Variants in IFT88 observed in about 807,000 individuals in gnomAD.
IFT88 encodes intraflagellar transport 88, also known as intraflagellar transport protein 88 homolog.
Under a neutral mutation model 119.5 loss-of-function variants are expected in IFT88, and 74 were observed. The observed-to-expected ratio is 0.62, with a 90% confidence interval of 0.51 to 0.75. The LOEUF is 0.75. IFT88 is among the 30% of genes least tolerant of loss of function. The probability of loss-of-function intolerance (pLI) is 0.00; values close to 1 mark genes in which losing one functional copy is unlikely to be tolerated. For missense variants in IFT88, 961 were observed against 977.7 expected, an observed-to-expected ratio of 0.98 and a Z score of 0.23; for synonymous variants, 279 against 316.7, an observed-to-expected ratio of 0.88 and a Z score of 1.26.
At chr13:20,686,703 A>G (rs905757627) in intron 24 of IFT88, among the ~76,000 whole-genome samples, 4 of 152,158 alleles carry the variant, frequency 2.6e-5, no homozygotes, top group African/African-American at 9.7e-5. Flanking sequence ...ATTGCTTTTC[A>G]TCTTCCCTGT....
chr13:20,645,600 G>A (rs1165419894), intron 20 of IFT88, among the ~76,000 whole-genome samples: 1 of 152,026 alleles, frequency 6.6e-6, no homozygotes, highest in Non-Finnish European at 1.5e-5. Flanking sequence ...CTCTAAAAGA[G>A]TCTTAATACA....
chr13:20,635,566 TGGCTC>T (rs1175238329), intron 16 of IFT88, among the ~76,000 whole-genome samples: 1 of 152,234 alleles, frequency 6.6e-6, no homozygotes, highest in Non-Finnish European at 1.5e-5. Flanking sequence ...CTGTGGCTCT[TGGCTC>T]GGCCTTCTGA....
intron 13 of IFT88, among the ~76,000 whole-genome samples, chr13:20,610,654 C>A: frequency 6.7e-6 from 1 of 149,354 alleles, no homozygotes; most frequent in African/African-American, 2.5e-5. Flanking sequence ...TGTAGAAGTA[C>A]CCTACTACCA....
chr13:20,622,646 C>T (rs986700972), intron 14 of IFT88, among the ~76,000 whole-genome samples: 5 of 152,138 alleles, frequency 3.3e-5, no homozygotes, highest in Admixed American at 1.3e-4. Context: ...AGTGTTTGTT[C>T]AGGTCCTTTA....
At chr13:20,655,116 T>A (rs1045855545) in intron 21 of IFT88, among the ~76,000 whole-genome samples, 1 of 152,222 alleles carries the variant, frequency 6.6e-6, no homozygotes. Context: ...AATAAATTGC[T>A]TTCTATAAAC....
intron 12 of IFT88, among the ~76,000 whole-genome samples, chr13:20,603,549 G>A (rs1158774149): frequency 6.6e-6 from 1 of 152,064 alleles, no homozygotes; most frequent in Non-Finnish European, 1.5e-5. Flanking sequence ...ACAGGGTTAA[G>A]GTGAGGATTA....
At chr13:20,600,691 C>T (rs1024164783) in intron 11 of IFT88, among the ~76,000 whole-genome samples, 6 of 131,656 alleles carry the variant, frequency 4.6e-5, no homozygotes, top group East Asian at 2.3e-4. Flanking sequence ...GCAGCTACTT[C>T]GGAAAACAGG....
chr13:20,575,651 G>T (rs2037240065), intron 2 of IFT88, among the ~76,000 whole-genome samples: 1 of 152,086 alleles, frequency 6.6e-6, no homozygotes, highest in African/African-American at 2.4e-5. Context: ...GCTCCCTGAG[G>T]CCTCCCCAGA....
At position 20,641,290 on chromosome 13, in the gene IFT88, G is replaced by A. The variant is rs143797877; in HGVS notation, c.1574G>A (p.Gly525Asp). The change falls in exon 18 of 26, where the codon GGC becomes GAC. Residue 525 changes from glycine (G) to aspartate (D), a missense_variant and splice_region_variant. Gly to Asp is a moderately conservative substitution (Grantham distance 94). Coordinates refer to ENST00000351808, the MANE Select transcript of IFT88 (RefSeq NM_006531.5). ...TTCTTTTTTTTCTTCTTTTTTTAAGGCCTTACCTATGAGAAACTAAATCGG... is the reference window on the plus strand; with the variant it reads ...TTCTTTTTTTTCTTCTTTTTTTAAGACCTTACCTATGAGAAACTAAATCGG... ...SSCTEALYNI[G>D]LTYEKLNRLD... The A allele has an allele frequency of 1.9e-6, 3 of 1,582,472 alleles. No homozygotes were observed. The highest frequency in any genetic ancestry group is 8.7e-7 in the Non-Finnish European group (1 of 1,155,946).
At chr13:20,604,119 G>A (rs1488611539) in intron 12 of IFT88, among the ~76,000 whole-genome samples, 2 of 152,124 alleles carry the variant, frequency 1.3e-5, no homozygotes, top group African/African-American at 2.4e-5. Context: ...GCACATGTCT[G>A]TAGTCCCACC....
rs540375512 is a variant in IFT88 at position 20,619,794 on chromosome 13, C to T, written c.1199+3915C>T. On this transcript the variant is annotated intron_variant, in intron 14 of 25. Transcript: ENST00000351808. ...GTATATGTTCAGCTTTAATAGATAC[C>T]GCTAAACAGTTTTCCAAAGTTCCTG... is the stretch of plus-strand genomic sequence containing the variant. Among the ~76,000 whole-genome samples the T allele has an allele frequency of 1.1e-4, 17 of 152,044 alleles. No individual in the cohort carries two copies. In the South Asian group the frequency reaches 3.1e-3, roughly 28 times the overall value.
At chr13:20,687,020 A>AC (rs1486911409) in intron 24 of IFT88, among the ~76,000 whole-genome samples, 1 of 109,194 alleles carries the variant, frequency 9.2e-6, no homozygotes, top group Non-Finnish European at 1.8e-5. Context: ...TCACTTTCTT[A>AC]CCAAAAAAAA....
chr13:20,617,268 G>C (rs2045780053), intron 14 of IFT88, among the ~76,000 whole-genome samples: 1 of 152,102 alleles, frequency 6.6e-6, no homozygotes, highest in African/African-American at 2.4e-5. Context: ...TGCTGAATAA[G>C]TAGGAGTGGG....
At chr13:20,567,653 T>C in intron 1 of IFT88, 1 of 885,240 alleles carries the variant, frequency 1.1e-6, no homozygotes, top group Non-Finnish European at 1.4e-6. Flanking sequence ...CACATCGCTC[T>C]TTAATTTTCT....
At chr13:20,673,839 C>T (rs1425861855) in intron 24 of IFT88, among the ~76,000 whole-genome samples, 1 of 152,166 alleles carries the variant, frequency 6.6e-6, no homozygotes, top group Non-Finnish European at 1.5e-5. Context: ...GCTTTATTCT[C>T]ACATGAGAGA....
rs548720760 is a variant in IFT88 at position 20,575,528 on chromosome 13, C to T, written c.90+1053C>T. Among the ~76,000 whole-genome samples, 6 of 152,096 alleles carry T rather than the reference C, an allele frequency of 3.9e-5. No individual in the cohort carries two copies. In the East Asian group the frequency reaches 5.8e-4, roughly 15 times the overall value. ...ATTGGAGGTGAGACCTGGTGGGAGGCGATAGGATCATGAGAGTGGATTTCT... is the reference window on the plus strand; with the variant it reads ...ATTGGAGGTGAGACCTGGTGGGAGGTGATAGGATCATGAGAGTGGATTTCT... On this transcript the variant is annotated intron_variant, in intron 2 of 25. Transcript: ENST00000351808.
Position 20,641,079 on chromosome 13 carries a change from C to A in IFT88, c.1574-211C>A, listed in dbSNP as rs150437342. Reference sequence around the variant, plus strand: ...GGAGAATCACCTGAGCCTGGGAGGTCGAGGCTGCTGTGAGCCATGTTTGTG... The same window carrying A: ...GGAGAATCACCTGAGCCTGGGAGGTAGAGGCTGCTGTGAGCCATGTTTGTG... On this transcript the variant is annotated intron_variant, in intron 17 of 25. Transcript: ENST00000351808. Among the ~76,000 whole-genome samples the A allele has an allele frequency of 4.3e-3, 656 of 152,082 alleles. 6 individuals carry two copies. Among genetic ancestry groups the A allele is most frequent in the African/African-American group, 0.015 (623 of 41,492 alleles).
chr13:20,665,255 C>CT (rs2054501175), intron 23 of IFT88, among the ~76,000 whole-genome samples: 1 of 152,116 alleles, frequency 6.6e-6, no homozygotes, highest in Non-Finnish European at 1.5e-5. Context: ...GAAATGCTTT[C>CT]TTTTGGCCAG....
chr13:20,594,062 T>C (rs1316668737), intron 7 of IFT88, among the ~76,000 whole-genome samples: 1 of 137,486 alleles, frequency 7.3e-6, no homozygotes, highest in East Asian at 2.1e-4. Context: ...AAGAAAGACT[T>C]AAAAAAAAAA....
Sources: allele counts gnomAD v4.1 joint callset (sites outside exome capture counted in the v4.1 genomes callset), GRCh38; gene constraint gnomAD v4.1.1; transcripts MANE v1.5; gene names NCBI Gene and HGNC (gene_info 2026-07-23, HGNC 2026-07-21).